Variants in KIFAP3 observed in about 807,000 individuals in gnomAD.
KIFAP3 encodes the protein kinesin-associated protein 3.
KIFAP3 carries 68 observed loss-of-function variants against 106.5 expected under a neutral mutation model. The observed-to-expected ratio is 0.64, with a 90% CI of 0.53 to 0.78. The LOEUF (loss-of-function observed/expected upper bound fraction) is 0.78. Ranked by LOEUF, KIFAP3 falls within the 30% of genes least tolerant of loss-of-function variation. KIFAP3 has a pLI of 0.00. For synonymous variants in KIFAP3, 320 were observed against 311.5 expected (o/e 1.03, Z -0.29); for missense variants, 780 against 941.8 (o/e 0.83, Z 2.25).
At chr1:169,959,606 G>A (rs1665208206) in intron 18 of KIFAP3, among the ~76,000 whole-genome samples, 1 of 152,032 alleles carries the variant, frequency 6.6e-6, no homozygotes, top group Non-Finnish European at 1.5e-5. Context: ...TGGTATAACT[G>A]TTTAGAAATC....
In KIFAP3 at chr1:170,046,897, G is replaced by A. The variant is rs372128904; in HGVS notation, c.165-31C>T. 1.5e-5 allele frequency: 22 copies of A among 1,470,258 alleles called. No homozygotes were observed. The East Asian group carries it at 2.2e-4, about 15-fold the overall frequency. The allele number at this position is 1,470,258 out of a possible 1,614,324, so 91.1% of individuals were successfully genotyped here. On this transcript the variant is annotated intron_variant, in intron 2 of 19. Transcript: ENST00000361580. The stretch of plus-strand genomic sequence containing the variant: ...AGTATAACAGAATTTTTCAACTCAC[G>A]TATTATAAAAGTAATAACTTCAATA...
chr1:170,006,860 C>G (rs606695), intron 10 of KIFAP3, among the ~76,000 whole-genome samples: 12 of 151,894 alleles, frequency 7.9e-5, no homozygotes, highest in Non-Finnish European at 2.9e-5. Context: ...AGAAGACATC[C>G]GTATAGGCAG....
At chr1:170,059,293 A>C (rs550978664) in intron 1 of KIFAP3, among the ~76,000 whole-genome samples, 1 of 152,308 alleles carries the variant, frequency 6.6e-6, no homozygotes, top group African/African-American at 2.4e-5. Flanking sequence ...AGAGAGAAGA[A>C]TCAAACAGAT....
chr1:170,031,815 A>C, intron 8 of KIFAP3, 71 bp downstream of exon 8: 1 of 966,232 alleles, frequency 1.0e-6, no homozygotes, highest in South Asian at 1.5e-5. Flanking sequence ...CAGGTATGAT[A>C]AAAAGTGAAC....
chr1:169,994,623 A>C (rs902798805), intron 10 of KIFAP3, among the ~76,000 whole-genome samples: 2 of 152,126 alleles, frequency 1.3e-5, no homozygotes, highest in Non-Finnish European at 2.9e-5. Flanking sequence ...CCTTAAATAA[A>C]ATCTATAAAT....
intron 10 of KIFAP3, among the ~76,000 whole-genome samples, chr1:170,008,779 A>G (rs1668098632): frequency 6.6e-6 from 1 of 152,218 alleles, no homozygotes; most frequent in East Asian, 1.9e-4. Flanking sequence ...GGTATACCCA[A>G]AGGATTATAA....
At chr1:170,008,491 T>C (rs1454979664) in intron 10 of KIFAP3, among the ~76,000 whole-genome samples, 1 of 151,774 alleles carries the variant, frequency 6.6e-6, no homozygotes, top group Non-Finnish European at 1.5e-5. Flanking sequence ...AAAGAAGACA[T>C]TTATGCAGCC....
intron 1 of KIFAP3, among the ~76,000 whole-genome samples, chr1:170,063,408 G>A (rs973711498): frequency 1.3e-5 from 2 of 152,134 alleles, no homozygotes; most frequent in African/African-American, 4.8e-5. Flanking sequence ...CTCAGCACAA[G>A]AAGATAGCTA....
At chr1:169,953,880 T>A (rs1664866661) in intron 19 of KIFAP3, 131 bp downstream of exon 19, 1 of 696,386 alleles carries the variant, frequency 1.4e-6, no homozygotes, top group Non-Finnish European at 2.6e-6. Context: ...CAAACAAACA[T>A]GCCCTTGAAA....
At chr1:169,949,590 A>C (rs1664625870) in intron 19 of KIFAP3, among the ~76,000 whole-genome samples, 1 of 152,150 alleles carries the variant, frequency 6.6e-6, no homozygotes, top group African/African-American at 2.4e-5. Context: ...AAAAGTTATA[A>C]TAAAAAAATG....
intron 19 of KIFAP3, among the ~76,000 whole-genome samples, chr1:169,930,448 A>C (rs375843462): frequency 5.3e-5 from 8 of 152,326 alleles, no homozygotes; most frequent in South Asian, 2.1e-4. Context: ...TCCTAAAACA[A>C]TCTAAATGGC....
At chr1:169,993,136 C>T (rs1347180117) in intron 10 of KIFAP3, among the ~76,000 whole-genome samples, 1 of 136,782 alleles carries the variant, frequency 7.3e-6, no homozygotes, top group Non-Finnish European at 1.5e-5. Flanking sequence ...GAGACAGAGT[C>T]TCACTCTGTC....
At chr1:170,042,222 C>T (rs1469629336) in intron 3 of KIFAP3, among the ~76,000 whole-genome samples, 1 of 152,130 alleles carries the variant, frequency 6.6e-6, no homozygotes, top group Non-Finnish European at 1.5e-5. Flanking sequence ...TGGATTGTAT[C>T]TTGCAAAACT....
intron 1 of KIFAP3, among the ~76,000 whole-genome samples, chr1:170,069,768 T>C (rs189547786): frequency 2.3e-3 from 343 of 152,140 alleles, no homozygotes; most frequent in African/African-American, 7.6e-3. Flanking sequence ...ACAAGAATGT[T>C]TATCCACTTT....
intron 19 of KIFAP3, among the ~76,000 whole-genome samples, chr1:169,948,305 A>T (rs1252195809): frequency 6.6e-6 from 1 of 151,852 alleles, no homozygotes; most frequent in African/African-American, 2.4e-5. Flanking sequence ...TTATTTTGTA[A>T]ACACCATGTC....
intron 8 of KIFAP3, among the ~76,000 whole-genome samples, chr1:170,031,558 C>T (rs1669412679): frequency 6.6e-6 from 1 of 151,506 alleles, no homozygotes; most frequent in Non-Finnish European, 1.5e-5. Flanking sequence ...AGGAAAGCAA[C>T]AAAATAATTC....
chr1:170,048,336 T>A (rs1044551883), intron 2 of KIFAP3, among the ~76,000 whole-genome samples: 14 of 151,942 alleles, frequency 9.2e-5, no homozygotes, highest in African/African-American at 3.4e-4. Flanking sequence ...TTAAGTCCTT[T>A]AATTTTATTA....
intron 1 of KIFAP3, among the ~76,000 whole-genome samples, chr1:170,070,552 C>G (rs1211261439): frequency 1.3e-5 from 2 of 152,026 alleles, no homozygotes; most frequent in Admixed American, 6.6e-5. Flanking sequence ...AGGAAAAGAA[C>G]AGTCAATTGT....
intron 18 of KIFAP3, among the ~76,000 whole-genome samples, chr1:169,955,767 A>G (rs1193272965): frequency 6.6e-6 from 1 of 152,144 alleles, no homozygotes; most frequent in Admixed American, 6.5e-5. Context: ...TAAAATACTT[A>G]AGAGATTGCT....
Sources: allele counts gnomAD v4.1 joint callset (sites outside exome capture counted in the v4.1 genomes callset), GRCh38; gene constraint gnomAD v4.1.1; transcripts MANE v1.5; gene names NCBI Gene and HGNC (gene_info 2026-07-23, HGNC 2026-07-21).